Variants in ARL15 observed in about 807,000 individuals in gnomAD.
The protein encoded by ARL15 is ADP-ribosylation factor-like protein 15.
ARL15 carries 19 observed loss-of-function variants against 25.2 expected under a neutral mutation model. The ratio of observed to expected loss-of-function variants is 0.75; its 90% CI spans 0.53 to 1.10. The LOEUF (loss-of-function observed/expected upper bound fraction) is 1.10. ARL15 is among the 50% of genes least tolerant of loss of function. The pLI, the probability that ARL15 is intolerant of heterozygous loss-of-function variation, is 0.00. For missense variants in ARL15, 220 were observed against 246.0 expected (o/e 0.89, Z 0.71); for synonymous variants, 94 against 86.8 (o/e 1.08, Z -0.46).
chr5:54,116,346 C>T (rs1219867680), intron 3 of ARL15, among the ~76,000 whole-genome samples: 3 of 152,134 alleles, frequency 2.0e-5, no homozygotes, highest in African/African-American at 7.2e-5. Context: ...CCAACAGCAT[C>T]TGCTACAGGC....
chr5:54,276,330 A>T (rs1234893521), intron 1 of ARL15, among the ~76,000 whole-genome samples: 1 of 152,116 alleles, frequency 6.6e-6, no homozygotes, highest in East Asian at 1.9e-4. Flanking sequence ...AGTTAATACC[A>T]CTCTTCTCCA....
chr5:54,308,172 C>T (rs1484794863), intron 1 of ARL15, among the ~76,000 whole-genome samples: 1 of 152,158 alleles, frequency 6.6e-6, no homozygotes, highest in Admixed American at 6.5e-5. Context: ...AAGGCTACCT[C>T]GGGAGGGCTA....
intron 4 of ARL15, among the ~76,000 whole-genome samples, chr5:53,972,950 A>G (rs1468328653): frequency 6.6e-6 from 1 of 152,154 alleles, no homozygotes. Context: ...ACCTAAAGAT[A>G]CTTGAAGATA....
At chr5:54,020,565 C>T (rs1192147501) in intron 4 of ARL15, among the ~76,000 whole-genome samples, 1 of 152,116 alleles carries the variant, frequency 6.6e-6, no homozygotes, top group African/African-American at 2.4e-5. Context: ...CAAAAAGATC[C>T]ATCCAAAATT....
intron 2 of ARL15, among the ~76,000 whole-genome samples, chr5:54,159,312 T>C (rs277326): frequency 0.27 from 41,625 of 151,932 alleles, 6,781 homozygotes; most frequent in East Asian, 0.82. Flanking sequence ...CATGACAGTG[T>C]AACTACTCTC....
intron 3 of ARL15, among the ~76,000 whole-genome samples, chr5:54,141,703 T>C (rs10057147): frequency 0.23 from 34,686 of 152,028 alleles, 4,446 homozygotes; most frequent in African/African-American, 0.34. Context: ...CTTTCACTTA[T>C]TGCCATATTT....
At chr5:54,048,535 T>C (rs1423674570) in intron 4 of ARL15, among the ~76,000 whole-genome samples, 1 of 150,176 alleles carries the variant, frequency 6.7e-6, no homozygotes, top group Non-Finnish European at 1.5e-5. Context: ...CCCAAGTAGT[T>C]GGGATTTACA....
intron 1 of ARL15, among the ~76,000 whole-genome samples, chr5:54,184,830 T>G (rs1237182757): frequency 6.6e-6 from 1 of 152,176 alleles, no homozygotes; most frequent in Non-Finnish European, 1.5e-5. Context: ...TGCCTTTCTT[T>G]GTTCAGGACA....
At chr5:54,218,431 A>C (rs547651752) in intron 1 of ARL15, among the ~76,000 whole-genome samples, 5 of 152,316 alleles carry the variant, frequency 3.3e-5, no homozygotes, top group African/African-American at 1.2e-4. Context: ...TCCCCGATGC[A>C]GAATTAGATT....
intron 4 of ARL15, among the ~76,000 whole-genome samples, chr5:54,071,356 C>T (rs373631871): frequency 2.7e-4 from 41 of 152,160 alleles, no homozygotes; most frequent in African/African-American, 8.7e-4. Flanking sequence ...AAAATATACA[C>T]ATTGAACATC....
At chr5:54,276,961 A>G (rs1212255325) in intron 1 of ARL15, among the ~76,000 whole-genome samples, 1 of 152,230 alleles carries the variant, frequency 6.6e-6, no homozygotes, top group Non-Finnish European at 1.5e-5. Flanking sequence ...AACCCACTTC[A>G]GGCTTCTGAC....
rs191626336 is a variant in ARL15, at chr5:54,005,443, C to T, written c.462+107759G>A. Among the ~76,000 whole-genome samples, 17 of 152,150 alleles carry T rather than the reference C, an allele frequency of 1.1e-4. No homozygotes were observed. In the East Asian group the frequency reaches 2.7e-3, roughly 24 times the overall value. On this transcript the variant is annotated intron_variant, in intron 4 of 4. Coordinates refer to ENST00000504924, the MANE Select transcript of ARL15 (RefSeq NM_019087.3). Reference sequence around the variant, plus strand: ...CACTTTTAAGAATGCTTTATTGGACCGGGTGCAGTGGCTCATGTCTGTAAT... The same window carrying T: ...CACTTTTAAGAATGCTTTATTGGACTGGGTGCAGTGGCTCATGTCTGTAAT...
chr5:54,142,905 G>A (rs1019774784), intron 3 of ARL15, among the ~76,000 whole-genome samples: 2 of 152,016 alleles, frequency 1.3e-5, no homozygotes, highest in African/African-American at 4.8e-5. Flanking sequence ...TTTAAATTTA[G>A]ACCTTGGATC....
At chr5:54,133,871 A>T (rs569325572) in intron 3 of ARL15, among the ~76,000 whole-genome samples, 1 of 152,202 alleles carries the variant, frequency 6.6e-6, no homozygotes, top group Non-Finnish European at 1.5e-5. Context: ...GCTAAAATGA[A>T]GTTATACTCG....
intron 1 of ARL15, among the ~76,000 whole-genome samples, chr5:54,186,878 T>TA (rs1348393620): frequency 1.3e-5 from 2 of 151,732 alleles, no homozygotes; most frequent in Admixed American, 1.3e-4. Flanking sequence ...CGACTTTTTT[T>TA]TTTTTTTTTT....
At chr5:54,074,825 A>AT (rs1561213667) in intron 4 of ARL15, among the ~76,000 whole-genome samples, 1 of 152,058 alleles carries the variant, frequency 6.6e-6, no homozygotes, top group Non-Finnish European at 1.5e-5. Flanking sequence ...AAAGACACAT[A>AT]TAAGAAGGTA....
At chr5:54,149,940 C>T (rs1050019474) in intron 3 of ARL15, among the ~76,000 whole-genome samples, 1 of 152,122 alleles carries the variant, frequency 6.6e-6, no homozygotes, top group Admixed American at 6.5e-5. Context: ...ATAAAATGTC[C>T]TGCGTAGGAA....
chr5:54,137,339 C>T (rs1469958501), intron 3 of ARL15, among the ~76,000 whole-genome samples: 1 of 152,136 alleles, frequency 6.6e-6, no homozygotes, highest in Non-Finnish European at 1.5e-5. Context: ...CGATGCTATG[C>T]AAAGAGGACA....
At chr5:53,992,577 T>C (rs1748536997) in intron 4 of ARL15, among the ~76,000 whole-genome samples, 1 of 152,252 alleles carries the variant, frequency 6.6e-6, no homozygotes, top group Non-Finnish European at 1.5e-5. Context: ...TGGCATGTGA[T>C]TCCATTTAGG....
Sources: gnomAD v4.1 joint callset for allele counts (sites outside exome capture counted in the v4.1 genomes callset) on GRCh38, gnomAD v4.1.1 for gene constraint, MANE v1.5 for transcripts, NCBI Gene and HGNC (gene_info 2026-07-23, HGNC 2026-07-21) for gene names.